POMT2: variants seen among roughly 807,000 people sequenced by gnomAD.
The protein encoded by POMT2 is protein O-mannosyl-transferase 2.
In POMT2, 75 loss-of-function variants were observed where a neutral mutation model predicts 100.0. That is an observed-to-expected ratio of 0.75 (90% CI 0.62 to 0.91). The LOEUF is 0.91. Ranked by LOEUF, POMT2 falls within the 40% of genes least tolerant of loss-of-function variation. The pLI, the probability that POMT2 is intolerant of heterozygous loss-of-function variation, is 0.00. For synonymous variants in POMT2, 378 were observed against 374.1 expected (o/e 1.01, Z -0.12); for missense variants, 940 against 955.1 (o/e 0.98, Z 0.21).
chr14:77,314,191 G>A (rs1891542887), intron 1 of POMT2, among the ~76,000 whole-genome samples: 1 of 152,182 alleles, frequency 6.6e-6, no homozygotes, highest in African/African-American at 2.4e-5. Context: ...AGGGAAGTTA[G>A]TGTCTCCCTC....
chr14:77,285,734 G>T, intron 12 of POMT2, 102 bp from the exon 13 acceptor site: 1 of 1,360,068 alleles, frequency 7.4e-7, no homozygotes. Context: ...ATGTTATGAA[G>T]GTCAAAGACC....
chr14:77,320,760 G>A lies in POMT2; in HGVS notation c.-79C>T. 1.3e-6 allele frequency: 2 copies of A among 1,529,558 alleles called. No individual in the cohort carries two copies. Among genetic ancestry groups the A allele is most frequent in the Non-Finnish European group, 1.7e-6 (2 of 1,148,340 alleles). 94.7% of individuals were successfully genotyped at this position (1,529,558 alleles called of 1,614,324 possible). A position where few individuals can be genotyped will look rare whatever the true frequency, so the allele number is the denominator to read the frequency against. The stretch of plus-strand genomic sequence containing the variant: ...GCCGCCCCGCCAAGGAGTCACAAGA[G>A]GGCAGCTCGGGGTACCCCGGGAAAT... On this transcript the variant is annotated 5_prime_UTR_variant, in exon 1 of 21. Transcript: ENST00000261534.
chr14:77,296,521 A>G (rs1296690981), intron 8 of POMT2: 2 of 544,944 alleles, frequency 3.7e-6, no homozygotes, highest in Non-Finnish European at 6.6e-6. Flanking sequence ...GTCATTATCA[A>G]AGCACTACGT....
chr14:77,316,907 G>A (rs1365631833), intron 1 of POMT2, among the ~76,000 whole-genome samples: 1 of 152,248 alleles, frequency 6.6e-6, no homozygotes, highest in African/African-American at 2.4e-5. Context: ...GCTGAGAAGT[G>A]TGGAAACACA....
rs749209274 is a variant in POMT2, at chr14:77,320,565, C to A, written c.117G>T (p.Ala39=). The change falls in exon 1 of 21, where the codon GCG becomes GCT. Residue 39 remains alanine (A), a synonymous_variant. Transcript: ENST00000261534. ...CCCAAGCAGGCCGTTTGGGGCTTCG[C>A]GCCACAGCCTCAGCGGCCACGTCCC... is the stretch of plus-strand genomic sequence containing the variant. ...AGRDVAAEAV[A]RSPKRPAWGS... 1.9e-6 allele frequency: 3 copies of A among 1,570,938 alleles called. No individual in the cohort carries two copies. In the African/African-American group the frequency reaches 4.0e-5, roughly 21 times the overall value.
chr14:77,293,684 T>C (rs774923174), intron 9 of POMT2, among the ~76,000 whole-genome samples: 1 of 152,226 alleles, frequency 6.6e-6, no homozygotes, highest in Admixed American at 6.5e-5. Context: ...GGAAACAGGA[T>C]GAAAGGCTAA....
At chr14:77,315,783 G>C (rs189427223) in intron 1 of POMT2, among the ~76,000 whole-genome samples, 2 of 152,222 alleles carry the variant, frequency 1.3e-5, no homozygotes, top group African/African-American at 4.8e-5. Flanking sequence ...AGGCCGAGGC[G>C]GGCGGATCAC....
At chr14:77,291,536 G>A in intron 9 of POMT2, 156 bp from the exon 10 acceptor site, 1 of 985,960 alleles carries the variant, frequency 1.0e-6, no homozygotes, top group Non-Finnish European at 1.5e-6. Context: ...GTTTCCCAAT[G>A]GGGCTCATAT....
At chr14:77,307,579 C>G (rs749732915) in intron 2 of POMT2, among the ~76,000 whole-genome samples, 1 of 152,202 alleles carries the variant, frequency 6.6e-6, no homozygotes, top group African/African-American at 2.4e-5. Context: ...GACAAGCTCG[C>G]CTGGTATTGG....
intron 1 of POMT2, among the ~76,000 whole-genome samples, chr14:77,317,701 A>G (rs1183401178): frequency 6.6e-6 from 1 of 152,228 alleles, no homozygotes; most frequent in East Asian, 1.9e-4. Context: ...ATGATCAGGA[A>G]AAAGGGGTGG....
At chr14:77,278,926 C>A in intron 18 of POMT2, 57 bp from the exon 19 acceptor site, 1 of 1,572,910 alleles carries the variant, frequency 6.4e-7, no homozygotes. Context: ...AGATTCCAGG[C>A]TCTGGTCCAG....
chr14:77,284,887 TA>T lies in POMT2; in HGVS notation c.1576+62del. On this transcript the variant is annotated intron_variant, in intron 14 of 20. Transcript: ENST00000261534. ...CACAGTTTACAAACGCTTACTTTTC[TA>T]AGATAAGGGTTTCTTATAAATGCTT... The T allele has an allele frequency of 4.9e-6, 7 of 1,423,142 alleles. No homozygotes were observed. The South Asian group carries it at 8.1e-5, about 16-fold the overall frequency. The allele number at this position is 1,423,142 out of a possible 1,614,324, so 88.2% of individuals were successfully genotyped here. A position where few individuals can be genotyped will look rare whatever the true frequency, so the allele number is the denominator to read the frequency against.
At chr14:77,300,999 C>T in intron 6 of POMT2, 91 bp downstream of exon 6, 1 of 1,609,352 alleles carries the variant, frequency 6.2e-7, no homozygotes, top group Non-Finnish European at 8.5e-7. Flanking sequence ...GCCACTCTGC[C>T]ACCTGCAGTA....
At position 77,304,740 on chromosome 14, in the gene POMT2, A is replaced by G; in HGVS notation, c.499T>C (p.Ser167Pro). The G allele has an allele frequency of 6.2e-7, 1 of 1,601,138 alleles. No individual in the cohort carries two copies. The highest frequency in any genetic ancestry group is 8.5e-7 in the Non-Finnish European group (1 of 1,174,804). ...PFAYLTVLDLSKSLSAALLTA... is the reference protein window; with the variant it reads ...PFAYLTVLDLPKSLSAALLTA... ...AGCAGTGCTGCCGAGAGGGACTTGG[A>G]CAGATCCAGTACAGTGAGGTAGGCA... The change falls in exon 4 of 21, where the codon TCC becomes CCC. Residue 167 changes from serine (S) to proline (P), a missense_variant. By Grantham distance (74) the Ser-to-Pro change is moderately conservative. Coordinates refer to ENST00000261534, the MANE Select transcript of POMT2 (RefSeq NM_013382.7).
intron 18 of POMT2, 137 bp downstream of exon 18, chr14:77,279,686 T>G (rs1019963063): frequency 2.2e-6 from 2 of 900,840 alleles, no homozygotes; most frequent in Non-Finnish European, 3.5e-6. Context: ...GTTGTTACCT[T>G]TCAAAAGCAA....
intron 13 of POMT2, 29 bp downstream of exon 13, chr14:77,285,452 A>T: frequency 6.2e-7 from 1 of 1,613,940 alleles, no homozygotes. Context: ...AGGACCCTCG[A>T]TTGGGACAGC....
At chr14:77,278,580 C>T in intron 19 of POMT2, 72 bp from the exon 20 acceptor site, 1 of 1,455,438 alleles carries the variant, frequency 6.9e-7, no homozygotes, top group Non-Finnish European at 9.4e-7. Flanking sequence ...GAAGGAGGCA[C>T]TCCAAGTCAA....
intron 15 of POMT2, among the ~76,000 whole-genome samples, chr14:77,282,593 TCTGA>T (rs1289183638): frequency 6.6e-6 from 1 of 152,174 alleles, no homozygotes; most frequent in Non-Finnish European, 1.5e-5. Flanking sequence ...AGAATGATAT[TCTGA>T]CTGACAGGCA....
At position 77,283,824 on chromosome 14, in the gene POMT2, C is replaced by G. The variant is rs1020976496; in HGVS notation, c.1626G>C (p.Leu542Phe). The G allele has an allele frequency of 4.3e-6, 7 of 1,612,864 alleles. No individual in the cohort carries two copies. In the African/African-American group the frequency reaches 8.0e-5, roughly 18 times the overall value. The change falls in exon 15 of 21, where the codon TTG becomes TTC. Residue 542 changes from leucine to phenylalanine, a missense_variant. Physicochemically the swap from Leu to Phe is conservative, Grantham distance 22. Coordinates refer to ENST00000261534, the MANE Select transcript of POMT2 (RefSeq NM_013382.7). ...DVLQPSFPEI[L>F]LESHMVMIRG... The stretch of plus-strand genomic sequence containing the variant: ...GGATCATGACCATGTGGGATTCCAG[C>G]AAGATCTCAGGAAAACTGGGCTGTA...
Sources: allele counts gnomAD v4.1 joint callset (sites outside exome capture counted in the v4.1 genomes callset), GRCh38; gene constraint gnomAD v4.1.1; transcripts MANE v1.5; gene names NCBI Gene and HGNC (gene_info 2026-07-23, HGNC 2026-07-21).